IQSEC2: variants seen among roughly 807,000 people sequenced by gnomAD.
The protein encoded by IQSEC2 is IQ motif and Sec7 domain ArfGEF 2.
IQSEC2 carries 6 observed loss-of-function variants against 74.6 expected under a neutral mutation model. The ratio of observed to expected loss-of-function variants is 0.08; its 90% CI spans 0.04 to 0.16. IQSEC2 has a LOEUF of 0.16. IQSEC2 is among the 10% of genes least tolerant of loss of function. IQSEC2 has a pLI of 1.00. For missense variants in IQSEC2, 734 were observed against 1,306.2 expected (o/e 0.56, Z 6.75); for synonymous variants, 494 against 544.5 (o/e 0.91, Z 1.29).
intron 2 of IQSEC2, among the ~76,000 whole-genome samples, chrX:53,287,596 C>T (rs1467583489): frequency 8.8e-6 from 1 of 113,063 alleles, no homozygotes; most frequent in Non-Finnish European, 1.9e-5. Flanking sequence ...AGGTGCTGCC[C>T]GTAAGGCTCA....
At chrX:53,319,370 T>C (rs782152812) in intron 1 of IQSEC2, among the ~76,000 whole-genome samples, 26 of 111,612 alleles carry the variant, frequency 2.3e-4, no homozygotes, top group Non-Finnish European at 4.0e-4. Flanking sequence ...AAGGCAGACC[T>C]TGCCATTTAA....
At chrX:53,280,725 G>A (rs1303732499) in intron 2 of IQSEC2, among the ~76,000 whole-genome samples, 6 of 111,823 alleles carry the variant, frequency 5.4e-5, no homozygotes, top group Admixed American at 2.8e-4. Context: ...AAAGTCCGGA[G>A]AATGGCCAAG....
chrX:53,279,931 G>GAGGAAGGA (rs3842484), intron 2 of IQSEC2, among the ~76,000 whole-genome samples: 19 of 32,946 alleles, frequency 5.8e-4, no homozygotes, highest in South Asian at 3.3e-3. Context: ...GGGAGGGAGG[G>GAGGAAGGA]AGGAAGGAAG....
chrX:53,281,464 AG>A (rs1415469452), intron 2 of IQSEC2: 3 of 872,181 alleles, frequency 3.4e-6, no homozygotes, highest in Admixed American at 2.7e-5. Flanking sequence ...GCAGGAAGGG[AG>A]GGGGCCAGGC....
chrX:53,255,957 A>G lies in IQSEC2; in HGVS notation c.842T>C (p.Met281Thr). Reference sequence around the variant, plus strand: ...GCCCACTCCAGCAGGGGGGCCCCCCATGTGGCTGCTGGAGGGGGGCAGCTG... The same window carrying G: ...GCCCACTCCAGCAGGGGGGCCCCCCGTGTGGCTGCTGGAGGGGGGCAGCTG... ...LSQLPPSSSH[M>T]GGPPAGVGLP... The change falls in exon 3 of 15, where the codon ATG becomes ACG. Residue 281 changes from methionine to threonine, a missense_variant. This residue lies in a region of IQSEC2 where 54 missense variants were observed against 62.1 expected (regional missense o/e 0.87). Coordinates refer to ENST00000642864, the MANE Select transcript of IQSEC2 (RefSeq NM_001111125.3). 8.4e-7 allele frequency: 1 copy of G among 1,195,934 alleles called. No homozygotes were observed. Among genetic ancestry groups the G allele is most frequent in the Non-Finnish European group, 1.1e-6 (1 of 886,322 alleles).
chrX:53,279,311 G>C (rs2074898846), intron 2 of IQSEC2: 1 of 385,296 alleles, frequency 2.6e-6, no homozygotes, highest in African/African-American at 2.5e-5. Context: ...TTATCACATA[G>C]TCTAGGACCA....
At chrX:53,259,420 G>A (rs1556866013) in intron 2 of IQSEC2, among the ~76,000 whole-genome samples, 2 of 109,064 alleles carry the variant, frequency 1.8e-5, no homozygotes, top group East Asian at 5.7e-4. Flanking sequence ...CACGAGAATC[G>A]CTTGAACCCG....
intron 2 of IQSEC2, chrX:53,266,992 G>C (rs1556867822): frequency 1.7e-6 from 2 of 1,154,471 alleles, no homozygotes; most frequent in Non-Finnish European, 2.3e-6. Context: ...TACTGCACTC[G>C]GAGGCCGGAC....
At chrX:53,235,740 A>G (rs1556859476) in intron 14 of IQSEC2, 43 bp downstream of exon 14, 3 of 1,150,774 alleles carry the variant, frequency 2.6e-6, no homozygotes, top group Non-Finnish European at 3.5e-6. Context: ...TGGCCGGGGC[A>G]GGGCTCATGC....
chrX:53,299,115 T>G (rs1233752910), intron 1 of IQSEC2, among the ~76,000 whole-genome samples: 1 of 110,381 alleles, frequency 9.1e-6, no homozygotes, highest in Non-Finnish European at 1.9e-5. Context: ...CTTGCTATGT[T>G]GCCCAGGCTG....
intron 4 of IQSEC2, among the ~76,000 whole-genome samples, chrX:53,252,257 C>T (rs1265295722): frequency 1.8e-5 from 2 of 109,098 alleles, no homozygotes; most frequent in African/African-American, 3.4e-5. Context: ...GACGGGGTTT[C>T]GCCATGATGG....
At chrX:53,316,286 A>G (rs1000767834) in intron 1 of IQSEC2, among the ~76,000 whole-genome samples, 19 of 111,228 alleles carry the variant, frequency 1.7e-4, no homozygotes, top group African/African-American at 5.9e-4. Flanking sequence ...CAACATTACC[A>G]TTTCCTCCCA....
intron 1 of IQSEC2, among the ~76,000 whole-genome samples, chrX:53,303,267 G>C (rs1489941678): frequency 1.8e-5 from 2 of 110,613 alleles, no homozygotes; most frequent in African/African-American, 6.6e-5. Context: ...GCATAAAGAA[G>C]CCTGACATGC....
At chrX:53,231,747 T>C (rs1408287133), downstream of IQSEC2, 1 of 112,146 alleles carries the variant, frequency 8.9e-6, no homozygotes, top group African/African-American at 3.2e-5. Context: ...AAAATGTTGA[T>C]TGGACTTGAT....
chrX:53,296,217 TA>T (rs1330376808), intron 1 of IQSEC2, among the ~76,000 whole-genome samples: 2 of 110,546 alleles, frequency 1.8e-5, no homozygotes, highest in African/African-American at 6.6e-5. Flanking sequence ...GTATTTTTAG[TA>T]GAGATGGGGT....
Position 53,233,762 on chromosome X carries a change from A to G in IQSEC2, c.*457T>C, listed in dbSNP as rs2074083021. ...CCAGCTGAAGTTTGGCCACAACTCT[A>G]CAGAGCGCTCTCCTAGCCCCACACG... On this transcript the variant is annotated 3_prime_UTR_variant, in exon 15 of 15. Coordinates refer to ENST00000642864, the MANE Select transcript of IQSEC2 (RefSeq NM_001111125.3). The G allele has an allele frequency of 3.4e-6, 1 of 293,848 alleles. No individual in the cohort carries two copies. Among genetic ancestry groups the G allele is most frequent in the Non-Finnish European group, 5.9e-6 (1 of 168,826 alleles). The allele number at this position is 293,848 out of a possible 1,213,427, so 24.2% of individuals were successfully genotyped here.
chrX:53,299,688 G>T (rs2075190605), intron 1 of IQSEC2, among the ~76,000 whole-genome samples: 1 of 111,884 alleles, frequency 8.9e-6, no homozygotes, highest in South Asian at 3.8e-4. Context: ...ACCTCCATCT[G>T]CAGGGATGCA....
At position 53,250,846 on chromosome X, in the gene IQSEC2, C is replaced by A. The variant is rs782480730; in HGVS notation, c.1730G>T (p.Gly577Val). Residue 577 changes from glycine (G) to valine (V), a missense_variant, in exon 5 of 15, where the codon GGG becomes GTG. Around this residue, in one of 12 missense-constraint regions of IQSEC2, gnomAD observed 204 missense variants for 305.4 expected, o/e 0.67. Transcript: ENST00000642864. Reference protein sequence around the residue: ...SREEGTRRGPGCLECRDFRLR... With the variant: ...SREEGTRRGPVCLECRDFRLR... Reference sequence around the variant, plus strand: ...CCGGAAATCCCGGCACTCCAAGCACCCGGGACCCCTGCGAGTGCCTTCCTC... The same window carrying A: ...CCGGAAATCCCGGCACTCCAAGCACACGGGACCCCTGCGAGTGCCTTCCTC... 1 of 1,209,680 alleles carries A rather than the reference C, an allele frequency of 8.3e-7. No homozygotes were observed. The highest frequency in any genetic ancestry group is 1.8e-5 in the South Asian group (1 of 56,697).
rs75167079 is a variant in IQSEC2, at chrX:53,255,749, G to A, written c.999+51C>T. 65,360 of 1,194,492 alleles carry A rather than the reference G, an allele frequency of 0.055. 1,401 individuals are homozygous for A. Among genetic ancestry groups the A allele is most frequent in the South Asian group, 0.15 (8,192 of 56,349 alleles). ...GAGCCACATCCCAAACCCTCCCCTGGCGCTCTCTTGCATCCCGACTCCCAT... is the reference window on the plus strand; with the variant it reads ...GAGCCACATCCCAAACCCTCCCCTGACGCTCTCTTGCATCCCGACTCCCAT... On this transcript the variant is annotated intron_variant, in intron 3 of 14. Transcript: ENST00000642864.
Sources: gnomAD v4.1 joint callset for allele counts (sites outside exome capture counted in the v4.1 genomes callset) on GRCh38, gnomAD v4.1.1 for gene constraint, gnomAD v4.1.1 regional missense constraint, MANE v1.5 for transcripts, NCBI Gene and HGNC (gene_info 2026-07-23, HGNC 2026-07-21) for gene names.